Variants in ANKAR observed in about 807,000 individuals in gnomAD.
The protein encoded by ANKAR is ankyrin and armadillo repeat-containing protein.
A neutral mutation model predicts 146.2 loss-of-function variants in ANKAR; 136 were observed. That is an observed-to-expected ratio of 0.93 (90% CI 0.81 to 1.07). ANKAR has a LOEUF of 1.07. ANKAR is among the 50% of genes least tolerant of loss of function. ANKAR has a pLI of 0.00. For synonymous variants in ANKAR, 500 were observed against 575.8 expected, an observed-to-expected ratio of 0.87 and a Z score of 1.88; for missense variants, 1,567 against 1,679.9, an observed-to-expected ratio of 0.93 and a Z score of 1.18.
At chr2:189,712,464 A>C (rs1382674074) in intron 10 of ANKAR, among the ~76,000 whole-genome samples, 1 of 151,570 alleles carries the variant, frequency 6.6e-6, no homozygotes, top group Non-Finnish European at 1.5e-5. Context: ...ACTGCTGGTG[A>C]TTTCTAGGCA....
exon 19 of ANKAR, chr2:189,761,185 A>G: frequency 2.9e-6 from 1 of 347,976 alleles, no homozygotes; most frequent in Non-Finnish European, 5.1e-6. Context: ...TAAATACGGA[A>G]GCTGGGAATG....
chr2:189,758,092 A>G (rs1267851294), intron 18 of ANKAR, among the ~76,000 whole-genome samples: 1 of 152,064 alleles, frequency 6.6e-6, no homozygotes, highest in Non-Finnish European at 1.5e-5. Flanking sequence ...CTTGTTGTTT[A>G]AAAGTGTGGG....
At chr2:189,757,077 AT>A (rs1170570638) in intron 18 of ANKAR, among the ~76,000 whole-genome samples, 1 of 152,206 alleles carries the variant, frequency 6.6e-6, no homozygotes, top group Non-Finnish European at 1.5e-5. Context: ...ATAACAATGT[AT>A]TTTTGTCTAT....
chr2:189,745,024 C>CTAATAA (rs777180514), intron 22 of ANKAR, among the ~76,000 whole-genome samples: 5 of 33,774 alleles, frequency 1.5e-4, no homozygotes, highest in Non-Finnish European at 2.3e-4. Context: ...ACTACTACTA[C>CTAATAA]TACTAATAAT....
intron 18 of ANKAR, among the ~76,000 whole-genome samples, chr2:189,756,117 AACAT>A (rs561410154): frequency 1.2e-3 from 176 of 152,336 alleles, no homozygotes; most frequent in African/African-American, 4.0e-3. Flanking sequence ...CTAAAAGAGA[AACAT>A]GAAGACAGTT....
chr2:189,692,480 C>A (rs1402417398), intron 4 of ANKAR, 62 bp downstream of exon 4: 57 of 1,459,608 alleles, frequency 3.9e-5, no homozygotes, highest in Non-Finnish European at 5.0e-5. Flanking sequence ...TATTCTCCAA[C>A]CAAAAAGAGC....
rs183344074 is a variant in ANKAR at position 189,744,709 on chromosome 2, T to C, written c.4011-33T>C. On this transcript the variant is annotated intron_variant, in intron 21 of 22. Coordinates refer to ENST00000684021, the MANE Select transcript of ANKAR (RefSeq NM_001378068.1). ...TTTTTCTGGGTGCATTATGTCTTCATTTATTTTAATGACAAAAATGTTTTC... is the reference window on the plus strand; with the variant it reads ...TTTTTCTGGGTGCATTATGTCTTCACTTATTTTAATGACAAAAATGTTTTC... 2.6e-6 allele frequency: 4 copies of C among 1,524,764 alleles called. No homozygotes were observed. The Admixed American group carries it at 5.2e-5, about 20-fold the overall frequency. The allele number at this position is 1,524,764 out of a possible 1,614,324, so 94.5% of individuals were successfully genotyped here.
rs1431278538 is a variant in ANKAR at position 189,705,003 on chromosome 2, T to C, written c.1709-20T>C. The stretch of plus-strand genomic sequence containing the variant: ...AATGGTAGTGCTGTGATCACTGAAG[T>C]AATTGTCCATCCATTCTAGGTCCAA... On this transcript the variant is annotated intron_variant, in intron 7 of 22. Transcript: ENST00000684021. 6.2e-7 allele frequency: 1 copy of C among 1,611,268 alleles called. No individual in the cohort carries two copies. Among genetic ancestry groups the C allele is most frequent in the African/African-American group, 1.3e-5 (1 of 74,820 alleles).
chr2:189,737,841 G>T lies in ANKAR; in HGVS notation c.3582G>T (p.Gln1194His). 6.5e-7 allele frequency: 1 copy of T among 1,539,290 alleles called. No individual in the cohort carries two copies. The highest frequency in any genetic ancestry group is 2.4e-5 in the East Asian group (1 of 41,346). ...CTGAGAAGGCAATGGCAGCATTTCAGGTATAAAATTGAGATTAACACCTCA... is the reference window on the plus strand; with the variant it reads ...CTGAGAAGGCAATGGCAGCATTTCATGTATAAAATTGAGATTAACACCTCA... Reference protein sequence around the residue: ...VETEKAMAAFQIVVLAKVIRD... With the variant: ...VETEKAMAAFHIVVLAKVIRD... Residue 1194 changes from glutamine (Q) to histidine (H), a missense_variant and splice_region_variant, in exon 18 of 23, where the codon CAG becomes CAT. Coordinates refer to ENST00000684021, the MANE Select transcript of ANKAR (RefSeq NM_001378068.1).
At chr2:189,699,102 C>G (rs892637002) in intron 7 of ANKAR, among the ~76,000 whole-genome samples, 1 of 152,152 alleles carries the variant, frequency 6.6e-6, no homozygotes, top group South Asian at 2.1e-4. Flanking sequence ...CAGAAAAACG[C>G]TTGGCCTTCA....
intron 22 of ANKAR, 117 bp from the exon 23 acceptor site, chr2:189,746,263 A>G: frequency 8.1e-7 from 1 of 1,241,718 alleles, no homozygotes; most frequent in Non-Finnish European, 1.1e-6. Flanking sequence ...GGAAGTACTG[A>G]TCTGTTCTCT....
chr2:189,679,181 A>G (rs979433286), intron 2 of ANKAR, among the ~76,000 whole-genome samples: 4 of 151,876 alleles, frequency 2.6e-5, no homozygotes, highest in African/African-American at 7.3e-5. Context: ...ATTTTATGTT[A>G]TGTTATTTTA....
chr2:189,720,146 T>C (rs938716624), intron 11 of ANKAR, among the ~76,000 whole-genome samples: 2 of 152,236 alleles, frequency 1.3e-5, no homozygotes, highest in Non-Finnish European at 2.9e-5. Flanking sequence ...GATAGCTATA[T>C]TAACTGTCAC....
chr2:189,744,174 C>T (rs1032625625), intron 21 of ANKAR, among the ~76,000 whole-genome samples: 3 of 152,086 alleles, frequency 2.0e-5, no homozygotes, highest in African/African-American at 7.2e-5. Flanking sequence ...CGAATAGGAC[C>T]CATGTACAAA....
chr2:189,706,795 T>C, intron 8 of ANKAR, 143 bp from the exon 9 acceptor site: 1 of 614,172 alleles, frequency 1.6e-6, no homozygotes, highest in East Asian at 2.9e-5. Context: ...TCCATTTACA[T>C]GTAGAATACG....
chr2:189,742,813 G>A (rs1489121599), intron 20 of ANKAR, among the ~76,000 whole-genome samples: 1 of 145,462 alleles, frequency 6.9e-6, no homozygotes, highest in African/African-American at 2.5e-5. Flanking sequence ...TCTTTCTTTG[G>A]TGGCACATTA....
At chr2:189,757,910 T>C (rs971479718) in intron 18 of ANKAR, among the ~76,000 whole-genome samples, 1 of 152,236 alleles carries the variant, frequency 6.6e-6, no homozygotes, top group Non-Finnish European at 1.5e-5. Context: ...TCTTTGTCTT[T>C]GCTGACAATG....
chr2:189,698,827 C>T (rs1035376400), intron 7 of ANKAR, among the ~76,000 whole-genome samples: 2 of 152,084 alleles, frequency 1.3e-5, no homozygotes, highest in Non-Finnish European at 2.9e-5. Flanking sequence ...TCTGCAGGTG[C>T]AGGAGAGCCA....
intron 12 of ANKAR, among the ~76,000 whole-genome samples, chr2:189,722,890 A>G (rs2041465116): frequency 6.6e-6 from 1 of 152,036 alleles, no homozygotes; most frequent in African/African-American, 2.4e-5. Flanking sequence ...AAAAAAAAAA[A>G]AAAGAAAAGA....
Sources: gnomAD v4.1 joint callset for allele counts (sites outside exome capture counted in the v4.1 genomes callset) on GRCh38, gnomAD v4.1.1 for gene constraint, MANE v1.5 for transcripts, NCBI Gene and HGNC (gene_info 2026-07-23, HGNC 2026-07-21) for gene names.